MACROD2: variants seen among roughly 807,000 people sequenced by gnomAD.
MACROD2 encodes ADP-ribose glycohydrolase MACROD2.
MACROD2 carries 36 observed loss-of-function variants against 70.4 expected under a neutral mutation model. The observed-to-expected ratio is 0.51, with a 90% CI of 0.39 to 0.68. The LOEUF (loss-of-function observed/expected upper bound fraction) is 0.68. MACROD2 is among the 30% of genes least tolerant of loss of function. The pLI, the probability that MACROD2 is intolerant of heterozygous loss-of-function variation, is 0.00. For synonymous variants in MACROD2, 172 were observed against 178.8 expected (o/e 0.96, Z 0.30); for missense variants, 496 against 538.4 (o/e 0.92, Z 0.78).
chr20:14,855,007 C>T (rs994055354), intron 5 of MACROD2, among the ~76,000 whole-genome samples: 5 of 151,862 alleles, frequency 3.3e-5, no homozygotes, highest in African/African-American at 1.2e-4. Context: ...CAGAATGAGA[C>T]TCCGTCTCAA....
intron 5 of MACROD2, among the ~76,000 whole-genome samples, chr20:15,045,645 C>A (rs1335210245): frequency 6.6e-6 from 1 of 150,462 alleles, no homozygotes; most frequent in East Asian, 2.0e-4. Flanking sequence ...GAAAGGCCAC[C>A]ATTACCCATA....
At chr20:15,314,504 C>A (rs774558254) in intron 6 of MACROD2, among the ~76,000 whole-genome samples, 1 of 152,120 alleles carries the variant, frequency 6.6e-6, no homozygotes, top group African/African-American at 2.4e-5. Context: ...ACTCCCCTAC[C>A]CGGCTTGGTA....
At chr20:15,171,675 A>G (rs1568615372) in intron 5 of MACROD2, among the ~76,000 whole-genome samples, 1 of 152,218 alleles carries the variant, frequency 6.6e-6, no homozygotes, top group East Asian at 1.9e-4. Context: ...GGTCTCAGCT[A>G]AAAGTCACCT....
intron 3 of MACROD2, among the ~76,000 whole-genome samples, chr20:14,138,145 A>C (rs1011281046): frequency 6.6e-6 from 1 of 152,234 alleles, no homozygotes; most frequent in Non-Finnish European, 1.5e-5. Flanking sequence ...AACCTTATAC[A>C]TTGTTGTTGG....
chr20:15,275,497 T>C (rs1290343417), intron 6 of MACROD2, among the ~76,000 whole-genome samples: 1 of 152,282 alleles, frequency 6.6e-6, no homozygotes, highest in Admixed American at 6.5e-5. Flanking sequence ...GGTAAACATA[T>C]AGTGGTAGAC....
intron 8 of MACROD2, among the ~76,000 whole-genome samples, chr20:15,827,541 GA>G (rs1328462663): frequency 6.6e-6 from 1 of 151,998 alleles, no homozygotes; most frequent in Non-Finnish European, 1.5e-5. Flanking sequence ...TGAAATGGAA[GA>G]AAAAAATGCT....
At chr20:14,747,220 A>C (rs2071810906) in intron 5 of MACROD2, among the ~76,000 whole-genome samples, 1 of 152,102 alleles carries the variant, frequency 6.6e-6, no homozygotes, top group Admixed American at 6.5e-5. Context: ...CATTCCTCCA[A>C]CCTCAAAAGA....
At position 15,414,122 on chromosome 20, in the gene MACROD2, T is replaced by C. The variant is rs866492550; in HGVS notation, c.541-17283T>C. Among the ~76,000 whole-genome samples the C allele has an allele frequency of 6.6e-5, 10 of 152,334 alleles. No homozygotes were observed. The South Asian group carries it at 2.1e-3, about 32-fold the overall frequency. On this transcript the variant is annotated intron_variant, in intron 6 of 17. Coordinates refer to ENST00000684519, the MANE Select transcript of MACROD2 (RefSeq NM_001351661.2). ...ACTAAAAGTGCATTTCTTTCACTTT[T>C]ACTGCCACTTGGAGTTAAGTTTCCT...
chr20:15,533,917 G>C (rs1209175014), intron 8 of MACROD2, among the ~76,000 whole-genome samples: 4 of 152,198 alleles, frequency 2.6e-5, no homozygotes, highest in African/African-American at 9.7e-5. Flanking sequence ...AGCCAGGGAA[G>C]TGGGGAGGAG....
chr20:15,907,246 C>A (rs566956014), intron 10 of MACROD2, among the ~76,000 whole-genome samples: 1 of 152,160 alleles, frequency 6.6e-6, no homozygotes, highest in Non-Finnish European at 1.5e-5. Flanking sequence ...TAAAACAGAA[C>A]GATCAGATTA....
chr20:15,566,354 C>T (rs1034720998), intron 8 of MACROD2, among the ~76,000 whole-genome samples: 7 of 151,848 alleles, frequency 4.6e-5, no homozygotes, highest in East Asian at 1.9e-4. Flanking sequence ...AAAAATTAGC[C>T]GGGTGTGGTG....
At chr20:15,203,076 TG>T (rs1339683980) in intron 5 of MACROD2, among the ~76,000 whole-genome samples, 1 of 152,174 alleles carries the variant, frequency 6.6e-6, no homozygotes, top group African/African-American at 2.4e-5. Flanking sequence ...GATGGGAACT[TG>T]TTAATTTTTT....
intron 10 of MACROD2, among the ~76,000 whole-genome samples, chr20:15,919,751 A>G (rs1275606096): frequency 6.6e-6 from 1 of 152,172 alleles, no homozygotes; most frequent in Non-Finnish European, 1.5e-5. Context: ...AAGAAGGGAA[A>G]AAAAAGGAAT....
At chr20:14,729,836 A>G (rs6135236) in intron 5 of MACROD2, among the ~76,000 whole-genome samples, 21,370 of 152,114 alleles carry the variant, frequency 0.14, 2,011 homozygotes, top group South Asian at 0.37. Context: ...TAGGATCCAC[A>G]AAAGCAGCAA....
intron 5 of MACROD2, among the ~76,000 whole-genome samples, chr20:15,060,326 A>T (rs2075522008): frequency 6.6e-6 from 1 of 152,212 alleles, no homozygotes; most frequent in South Asian, 2.1e-4. Flanking sequence ...TGACAGTCGC[A>T]GAGATGCTGG....
chr20:14,714,530 A>G (rs1349734996), intron 5 of MACROD2, among the ~76,000 whole-genome samples: 1 of 152,178 alleles, frequency 6.6e-6, no homozygotes, highest in Non-Finnish European at 1.5e-5. Flanking sequence ...AACATGACCT[A>G]CAAGACCTGG....
At chr20:15,886,130 A>G (rs1483231016) in intron 10 of MACROD2, among the ~76,000 whole-genome samples, 1 of 152,290 alleles carries the variant, frequency 6.6e-6, no homozygotes, top group Non-Finnish European at 1.5e-5. Context: ...GCTCATGAGC[A>G]TAGCAGAGAT....
At chr20:14,055,743 GTT>G (rs4052957) in intron 2 of MACROD2, among the ~76,000 whole-genome samples, 23,363 of 145,992 alleles carry the variant, frequency 0.16, 1,955 homozygotes, top group Admixed American at 0.22. Flanking sequence ...GATCAGTACT[GTT>G]TTTTTTTTTT....
At chr20:14,377,304 A>C (rs1205130614) in intron 3 of MACROD2, among the ~76,000 whole-genome samples, 2 of 152,180 alleles carry the variant, frequency 1.3e-5, no homozygotes, top group African/African-American at 4.8e-5. Context: ...GTGGGCATTC[A>C]ATGCTTCATT....
Sources: allele counts gnomAD v4.1 joint callset (sites outside exome capture counted in the v4.1 genomes callset), GRCh38; gene constraint gnomAD v4.1.1; transcripts MANE v1.5; gene names NCBI Gene and HGNC (gene_info 2026-07-23, HGNC 2026-07-21).